Variants in GSPT1 observed in about 807,000 individuals in gnomAD.
GSPT1 encodes the protein G1 to S phase transition 1.
In GSPT1, 20 loss-of-function variants were observed where a neutral mutation model predicts 72.5. The observed-to-expected ratio is 0.28, with a 90% CI of 0.19 to 0.40. The LOEUF (loss-of-function observed/expected upper bound fraction) is 0.40. GSPT1 is among the 10% of genes least tolerant of loss of function. The probability of loss-of-function intolerance (pLI) is 1.00; values close to 1 mark genes in which losing one functional copy is unlikely to be tolerated. For missense variants in GSPT1, 580 were observed against 811.9 expected (o/e 0.71, Z 3.47); for synonymous variants, 334 against 293.5 (o/e 1.14, Z -1.41).
intron 1 of GSPT1, chr16:11,914,946 G>A: frequency 8.8e-7 from 1 of 1,133,534 alleles, no homozygotes; most frequent in Non-Finnish European, 1.2e-6. Flanking sequence ...AGGAAAACTC[G>A]GCCATTCGTC....
In GSPT1 at chr16:11,883,063, T is replaced by C. The variant is rs769907709; in HGVS notation, c.1380A>G (p.Glu460=). 1 of 1,609,350 alleles carries C rather than the reference T, an allele frequency of 6.2e-7. No individual in the cohort carries two copies. Among genetic ancestry groups the C allele is most frequent in the South Asian group, 1.1e-5 (1 of 90,984 alleles). ...DMGTVVLGKL[E]SGSICKGQQL... The stretch of plus-strand genomic sequence containing the variant: ...GCTGGCCTTTACAAATAGATCCTGA[T>C]TCCAGCTTTCCCAGGACCACAGTGC... Residue 460 remains glutamate (E), a synonymous_variant, in exon 11 of 15, where the codon GAA becomes GAG. Transcript: ENST00000434724.
chr16:11,912,046 T>TAA (rs371293585), intron 1 of GSPT1, among the ~76,000 whole-genome samples: 1,878 of 113,162 alleles, frequency 0.017, 40 homozygotes, highest in African/African-American at 0.042. Context: ...GTCAATCATT[T>TAA]AAAAAAAAAA....
upstream of GSPT1, chr16:11,916,181 G>T: frequency 2.8e-6 from 1 of 355,552 alleles, no homozygotes; most frequent in Non-Finnish European, 5.5e-6. Context: ...CGAAGTTCAG[G>T]GACAGGGCGC....
chr16:11,900,089 T>C (rs2054386703), intron 1 of GSPT1, among the ~76,000 whole-genome samples: 1 of 152,004 alleles, frequency 6.6e-6, no homozygotes. Flanking sequence ...ATCCCAACAC[T>C]TTGGGAGGCG....
chr16:11,893,356 C>T (rs749557265), intron 5 of GSPT1, among the ~76,000 whole-genome samples: 1 of 151,916 alleles, frequency 6.6e-6, no homozygotes, highest in Non-Finnish European at 1.5e-5. Context: ...GAAGCCTGGG[C>T]TCAAATGATC....
intron 1 of GSPT1, chr16:11,904,211 TTTTA>T (rs1567449784): frequency 1.2e-5 from 2 of 160,120 alleles, no homozygotes. Flanking sequence ...TTTTATTTTA[TTTTA>T]TTTATTTATT....
intron 1 of GSPT1, 82 bp from the exon 2 acceptor site, chr16:11,898,117 A>G: frequency 1.2e-6 from 1 of 847,076 alleles, no homozygotes; most frequent in Non-Finnish European, 2.0e-6. Context: ...GTAAAAACAG[A>G]AGTTCAATAA....
intron 12 of GSPT1, among the ~76,000 whole-genome samples, chr16:11,876,580 A>T (rs1490062425): frequency 6.6e-6 from 1 of 152,154 alleles, no homozygotes; most frequent in Non-Finnish European, 1.5e-5. Context: ...TGTCTCTACT[A>T]AAAATACAAA....
At chr16:11,913,068 C>T (rs2054580870) in intron 1 of GSPT1, among the ~76,000 whole-genome samples, 1 of 152,198 alleles carries the variant, frequency 6.6e-6, no homozygotes, top group South Asian at 2.1e-4. Flanking sequence ...CACTTCCTCG[C>T]TATCAAAAAA....
Position 11,915,699 on chromosome 16 carries a change from C to T in GSPT1, c.22G>A (p.Gly8Ser). The change falls in exon 1 of 15, where the codon GGC (glycine) becomes AGC (serine). Residue 8 changes from glycine to serine, a missense_variant. Gly to Ser is a moderately conservative substitution (Grantham distance 56, BLOSUM62 0). This residue lies in a region of GSPT1 where 327 missense variants were observed against 298.8 expected (regional missense o/e 1.09). Coordinates refer to ENST00000434724, the MANE Select transcript of GSPT1 (RefSeq NM_002094.4). Reference sequence around the variant, plus strand: ...CCGCCGCCGCCGCCGCCGCCGCCGCCGCCGCCACTGCCCGGATCCATGATC... The same window carrying T: ...CCGCCGCCGCCGCCGCCGCCGCCGCTGCCGCCACTGCCCGGATCCATGATC... MDPGSGG[G>S]GGGGGGGGSS... The T allele has an allele frequency of 6.7e-7, 1 of 1,494,868 alleles. No individual in the cohort carries two copies. Among genetic ancestry groups the T allele is most frequent in the South Asian group, 1.2e-5 (1 of 80,170 alleles). 92.6% of individuals were successfully genotyped at this position (1,494,868 alleles called of 1,614,324 possible).
At chr16:11,896,295 T>C (rs1331637770) in intron 4 of GSPT1, among the ~76,000 whole-genome samples, 2 of 152,240 alleles carry the variant, frequency 1.3e-5, no homozygotes, top group East Asian at 1.9e-4. Context: ...CTACCATCAA[T>C]GGTCAATAGA....
intron 5 of GSPT1, among the ~76,000 whole-genome samples, chr16:11,892,233 CT>C (rs936001644): frequency 2.6e-5 from 4 of 151,722 alleles, no homozygotes; most frequent in African/African-American, 9.7e-5. Context: ...TTCCTAGCTA[CT>C]TGGGAGGCTG....
intron 1 of GSPT1, among the ~76,000 whole-genome samples, chr16:11,901,620 A>AATATATAT (rs113206101): frequency 2.9e-4 from 42 of 147,228 alleles, no homozygotes; most frequent in East Asian, 1.2e-3. Flanking sequence ...CACACACAAA[A>AATATATAT]ATATATATAT....
chr16:11,880,843 T>C (rs2054112985), intron 11 of GSPT1, among the ~76,000 whole-genome samples: 1 of 152,214 alleles, frequency 6.6e-6, no homozygotes, highest in South Asian at 2.1e-4. Context: ...GCAAATGTTT[T>C]CTCTCATTCC....
chr16:11,873,122 G>C lies in GSPT1; in HGVS notation c.1911C>G (p.Asp637Glu). The C allele has an allele frequency of 2.5e-6, 4 of 1,583,272 alleles. No individual in the cohort carries two copies. The highest frequency in any genetic ancestry group is 3.5e-6 in the Non-Finnish European group (4 of 1,152,336). Residue 637 changes from aspartate to glutamate, a missense_variant, in exon 15 of 15, where the codon GAC becomes GAG. Coordinates refer to ENST00000434724, the MANE Select transcript of GSPT1 (RefSeq NM_002094.4). ...GKVLKLVPEK[D>E] ...TGCAGGGTCATCAAGAAAATGCTTA[G>C]TCTTTCTCTGGAACCAGTTTCAGAA... is the stretch of plus-strand genomic sequence containing the variant.
At chr16:11,885,078 C>A (rs558684317) in intron 10 of GSPT1, 103 bp downstream of exon 10, 2 of 610,824 alleles carry the variant, frequency 3.3e-6, no homozygotes, top group Non-Finnish European at 3.0e-6. Flanking sequence ...AAAAAAAAAA[C>A]AAGAAAGAAA....
In GSPT1 at chr16:11,879,664, G is replaced by C. The variant is rs146573004; in HGVS notation, c.1429-2084C>G. Among the ~76,000 whole-genome samples, 697 of 149,054 alleles carry C rather than the reference G, an allele frequency of 4.7e-3. 5 individuals are homozygous for C. Among genetic ancestry groups the C allele is most frequent in the Non-Finnish European group, 3.6e-3 (240 of 67,152 alleles). ...AGGAGCATTGCTTGAACCGGGACCT[G>C]GGAGGTGGAGGTCGCAGTGAGCCGA... On this transcript the variant is annotated intron_variant, in intron 11 of 14. Transcript: ENST00000434724.
intron 1 of GSPT1, among the ~76,000 whole-genome samples, chr16:11,903,159 T>C (rs1022560720): frequency 5.9e-5 from 9 of 152,316 alleles, no homozygotes; most frequent in African/African-American, 2.2e-4. Context: ...TTCATGTCAA[T>C]GGAATCATAG....
At chr16:11,906,186 T>G (rs1269308917) in intron 1 of GSPT1, among the ~76,000 whole-genome samples, 2 of 152,066 alleles carry the variant, frequency 1.3e-5, no homozygotes, top group Non-Finnish European at 2.9e-5. Flanking sequence ...GGTTCAGGCA[T>G]GAGCCACCAC....
Sources: gnomAD v4.1 joint callset for allele counts (sites outside exome capture counted in the v4.1 genomes callset) on GRCh38, gnomAD v4.1.1 for gene constraint, gnomAD v4.1.1 regional missense constraint, MANE v1.5 for transcripts, NCBI Gene and HGNC (gene_info 2026-07-23, HGNC 2026-07-21) for gene names.